The following SLC28A3 variants were observed in gnomAD, a reference collection of about 807,000 sequenced individuals.
The protein encoded by SLC28A3 is concentrative Na(+)-nucleoside cotransporter 3.
In SLC28A3, 68 loss-of-function variants were observed where a neutral mutation model predicts 84.2. That is an observed-to-expected ratio of 0.81 (90% CI 0.66 to 0.99). SLC28A3 has a LOEUF of 0.99. SLC28A3 is among the 50% of genes least tolerant of loss of function. SLC28A3 has a pLI of 0.00. For missense variants in SLC28A3, 712 were observed against 841.5 expected (o/e 0.85, Z 1.90); for synonymous variants, 267 against 303.6 (o/e 0.88, Z 1.25).
intron 3 of SLC28A3, among the ~76,000 whole-genome samples, chr9:84,305,581 A>G (rs377307753): frequency 9.2e-4 from 140 of 152,300 alleles, no homozygotes; most frequent in African/African-American, 3.2e-3. Flanking sequence ...CTGAGGGATT[A>G]GAGAGGTGCA....
intron 1 of SLC28A3, among the ~76,000 whole-genome samples, chr9:84,331,902 A>C (rs1269567134): frequency 1.3e-5 from 2 of 152,188 alleles, no homozygotes; most frequent in African/African-American, 4.8e-5. Context: ...TGTTCCAAAA[A>C]GCCTCTCCCA....
Position 84,278,015 on chromosome 9 carries a change from G to A in SLC28A3, c.*203C>T. 1 of 591,260 alleles carries A rather than the reference G, an allele frequency of 1.7e-6. No individual in the cohort carries two copies. Among genetic ancestry groups the A allele is most frequent in the Non-Finnish European group, 2.9e-6 (1 of 350,312 alleles). 36.6% of individuals were successfully genotyped at this position (591,260 alleles called of 1,614,324 possible). Reference sequence around the variant, plus strand: ...TGGGACATCATAGCAGTTCTTGGTGGGGAAGGGGCTGGTGGGGAGGGAGGG... The same window carrying A: ...TGGGACATCATAGCAGTTCTTGGTGAGGAAGGGGCTGGTGGGGAGGGAGGG... On this transcript the variant is annotated 3_prime_UTR_variant, in exon 18 of 18. Coordinates refer to ENST00000376238, the MANE Select transcript of SLC28A3 (RefSeq NM_001199633.2).
Position 84,278,200 on chromosome 9 carries a change from C to T in SLC28A3, c.*18G>A. 1 of 1,611,000 alleles carries T rather than the reference C, an allele frequency of 6.2e-7. No individual in the cohort carries two copies. The highest frequency in any genetic ancestry group is 8.5e-7 in the Non-Finnish European group (1 of 1,178,226). Reference sequence around the variant, plus strand: ...TCAGCATCTGTACTTCAGAGTTCCACTGGAGAAGTGGCTGACCTCAAAATG... The same window carrying T: ...TCAGCATCTGTACTTCAGAGTTCCATTGGAGAAGTGGCTGACCTCAAAATG... On this transcript the variant is annotated 3_prime_UTR_variant, in exon 18 of 18. Coordinates refer to ENST00000376238, the MANE Select transcript of SLC28A3 (RefSeq NM_001199633.2).
chr9:84,275,693 G>A lies in SLC28A3; in HGVS notation c.*2525C>T, dbSNP rs1588548140. On this transcript the variant is annotated 3_prime_UTR_variant, in exon 18 of 18. Transcript: ENST00000376238. Reference sequence around the variant, plus strand: ...AAGGGCCACTTACGACGTTCACAGGGTATTGGTGAGGTTTCTGGGGGTAAC... The same window carrying A: ...AAGGGCCACTTACGACGTTCACAGGATATTGGTGAGGTTTCTGGGGGTAAC... 1 of 152,182 alleles carries A rather than the reference G, an allele frequency of 6.6e-6. No individual in the cohort carries two copies. The allele number at this position is 152,182 out of a possible 1,614,324, so 9.4% of individuals were successfully genotyped here. A position where few individuals can be genotyped will look rare whatever the true frequency, so the allele number is the denominator to read the frequency against.
chr9:84,307,153 A>G (rs1040514295), intron 3 of SLC28A3, among the ~76,000 whole-genome samples: 94 of 143,776 alleles, frequency 6.5e-4, no homozygotes, highest in African/African-American at 2.3e-3. Flanking sequence ...AAAAAAGGCC[A>G]GGCGCGGTGG....
chr9:84,279,558 C>T (rs1824657465), intron 16 of SLC28A3, among the ~76,000 whole-genome samples, 173 bp from the exon 17 acceptor site: 1 of 152,202 alleles, frequency 6.6e-6, no homozygotes. Flanking sequence ...TCAAGTGCCT[C>T]AGCCTCCCAA....
At chr9:84,352,335 C>T in the SLC28A3 span, among the ~76,000 whole-genome samples, 1 of 151,992 alleles carries the variant, frequency 6.6e-6, no homozygotes, top group South Asian at 2.1e-4. Context: ...AGGCACCCGC[C>T]ATCACACCTG....
Position 84,305,327 on chromosome 9 carries a change from ATACCT to A in SLC28A3, c.256_260del (p.Arg86Ter). On this transcript the variant is annotated frameshift_variant, in exon 4 of 18. Transcript: ENST00000376238. LOFTEE classifies it high-confidence loss of function. ...TCCTACAGAAACCACATACTGTGTC[ATACCT>A]CCTTTCCAAACACCTGCAACATAAA... The A allele has an allele frequency of 6.2e-7, 1 of 1,613,362 alleles. No homozygotes were observed. The highest frequency in any genetic ancestry group is 8.5e-7 in the Non-Finnish European group (1 of 1,179,878).
intron 2 of SLC28A3, among the ~76,000 whole-genome samples, chr9:84,311,943 T>C (rs1205796609): frequency 6.6e-6 from 1 of 152,244 alleles, no homozygotes; most frequent in Non-Finnish European, 1.5e-5. Context: ...TAGTTTTGCA[T>C]TTTCCAGAAT....
At chr9:84,328,156 TACACACACACACAC>T (rs71498096) in intron 1 of SLC28A3, among the ~76,000 whole-genome samples, 113 of 131,968 alleles carry the variant, frequency 8.6e-4, no homozygotes, top group African/African-American at 2.9e-3. Context: ...GGGAAAAGAC[TACACACACACACAC>T]ACACACACAC....
At chr9:84,354,701 A>C in the SLC28A3 span, among the ~76,000 whole-genome samples, 1 of 152,050 alleles carries the variant, frequency 6.6e-6, no homozygotes. Context: ...TACAAAAATT[A>C]GCTGGTATGG....
At chr9:84,283,892 C>T (rs1172127040) in intron 14 of SLC28A3, among the ~76,000 whole-genome samples, 1 of 152,192 alleles carries the variant, frequency 6.6e-6, no homozygotes, top group Non-Finnish European at 1.5e-5. Flanking sequence ...GACTCATCTG[C>T]ATTTTGTTGA....
At chr9:84,307,103 G>A (rs1825819937) in intron 3 of SLC28A3, among the ~76,000 whole-genome samples, 1 of 134,570 alleles carries the variant, frequency 7.4e-6, no homozygotes, top group African/African-American at 2.8e-5. Context: ...GCAGTGAGCT[G>A]TAATTGTGTC....
At chr9:84,321,881 C>T (rs1476861657) in intron 1 of SLC28A3, among the ~76,000 whole-genome samples, 1 of 151,938 alleles carries the variant, frequency 6.6e-6, no homozygotes, top group Non-Finnish European at 1.5e-5. Flanking sequence ...GAAACCCGGT[C>T]TCTACTAAAA....
chr9:84,367,910 C>G, the SLC28A3 span, among the ~76,000 whole-genome samples: 1 of 152,222 alleles, frequency 6.6e-6, no homozygotes, highest in Non-Finnish European at 1.5e-5. Flanking sequence ...GTCGGCTTCA[C>G]ACGGAGACAT....
the SLC28A3 span, among the ~76,000 whole-genome samples, chr9:84,361,265 A>T: frequency 6.6e-6 from 1 of 152,136 alleles, no homozygotes; most frequent in African/African-American, 2.4e-5. Context: ...CAATTGCTTG[A>T]ACCTGGGAGG....
At chr9:84,359,028 T>C in the SLC28A3 span, among the ~76,000 whole-genome samples, 3 of 152,146 alleles carry the variant, frequency 2.0e-5, no homozygotes, top group Non-Finnish European at 4.4e-5. Context: ...GGTCTCGAAC[T>C]CCTGACTTCA....
rs1436215517 is a variant in SLC28A3, at chr9:84,323,424, T to TG, written c.61-9971dup. Among the ~76,000 whole-genome samples, 29 of 122,632 alleles carry TG rather than the reference T, an allele frequency of 2.4e-4. No homozygotes were observed. The East Asian group carries it at 6.0e-3, about 25-fold the overall frequency. 80.5% of individuals were successfully genotyped at this position (122,632 alleles called of 152,430 possible). A position where few individuals can be genotyped will look rare whatever the true frequency, so the allele number is the denominator to read the frequency against. ...TTTGTCATTTTTATGATTCAGTACA[T>TG]GATTTTTTTTTTTTTTTTGAGACGG... On this transcript the variant is annotated intron_variant, in intron 1 of 17. Coordinates refer to ENST00000376238, the MANE Select transcript of SLC28A3 (RefSeq NM_001199633.2).
At chr9:84,294,158 T>G (rs1385321251) in intron 9 of SLC28A3, 37 bp downstream of exon 9, 5 of 1,605,140 alleles carry the variant, frequency 3.1e-6, no homozygotes, top group Non-Finnish European at 4.3e-6. Context: ...GATAATCAGC[T>G]CTACACCTAT....
Sources: allele counts gnomAD v4.1 joint callset (sites outside exome capture counted in the v4.1 genomes callset), GRCh38; gene constraint gnomAD v4.1.1; transcripts MANE v1.5; gene names NCBI Gene and HGNC (gene_info 2026-07-23, HGNC 2026-07-21).